The following CCNH variants were observed in gnomAD, a reference collection of about 807,000 sequenced individuals.
The protein encoded by CCNH is cyclin H.
In CCNH, 31 loss-of-function variants were observed where a neutral mutation model predicts 41.9. The ratio of observed to expected loss-of-function variants is 0.74; its 90% CI spans 0.56 to 1.00. The LOEUF (loss-of-function observed/expected upper bound fraction) is 1.00. Ranked by LOEUF, CCNH falls within the 50% of genes least tolerant of loss-of-function variation. The probability of loss-of-function intolerance (pLI) is 0.00; values close to 1 mark genes in which losing one functional copy is unlikely to be tolerated. For missense variants in CCNH, 362 were observed against 388.4 expected (o/e 0.93, Z 0.57); for synonymous variants, 138 against 136.1 (o/e 1.01, Z -0.10).
downstream of CCNH, among the ~76,000 whole-genome samples, chr5:87,317,968 C>T (rs1204694060): frequency 6.6e-6 from 1 of 152,080 alleles, no homozygotes; most frequent in Admixed American, 6.6e-5. Flanking sequence ...CATTTTTTCC[C>T]ATTTTTTTTA....
intron 9 of CCNH, chr5:87,369,912 G>A: frequency 6.3e-7 from 1 of 1,586,288 alleles, no homozygotes; most frequent in East Asian, 2.2e-5. Flanking sequence ...TAAGATTACT[G>A]TTTCTCAAAC....
intron 7 of CCNH, among the ~76,000 whole-genome samples, chr5:87,397,146 T>C (rs576882481): frequency 9.3e-4 from 142 of 152,078 alleles, no homozygotes; most frequent in Non-Finnish European, 1.6e-3. Context: ...AGTACAGGAA[T>C]TGTGTTTCAT....
chr5:87,375,259 C>T (rs1261377931), downstream of CCNH, among the ~76,000 whole-genome samples: 2 of 151,684 alleles, frequency 1.3e-5, no homozygotes, highest in African/African-American at 4.8e-5. Flanking sequence ...TAGGTTTTTC[C>T]TGCTTTTTTT....
chr5:87,324,729 G>T (rs887260570), intron 9 of CCNH, among the ~76,000 whole-genome samples: 1 of 151,802 alleles, frequency 6.6e-6, no homozygotes, highest in Non-Finnish European at 1.5e-5. Context: ...ATATAAACAC[G>T]CCCTCTTCTC....
intron 9 of CCNH, among the ~76,000 whole-genome samples, chr5:87,329,397 G>A (rs552529592): frequency 1.3e-5 from 2 of 152,082 alleles, no homozygotes; most frequent in East Asian, 1.9e-4. Flanking sequence ...AGCTGAGATC[G>A]TACCAGTGTA....
At chr5:87,322,316 A>G (rs1297768873) in intron 9 of CCNH, among the ~76,000 whole-genome samples, 1 of 152,178 alleles carries the variant, frequency 6.6e-6, no homozygotes, top group Non-Finnish European at 1.5e-5. Flanking sequence ...CAGCAGCATT[A>G]GATTTTCACA....
intron 9 of CCNH, among the ~76,000 whole-genome samples, chr5:87,357,375 G>A (rs899028409): frequency 7.2e-5 from 11 of 152,002 alleles, no homozygotes; most frequent in Admixed American, 1.3e-4. Context: ...TTCCATTGCT[G>A]TATCCTCAAT....
At chr5:87,333,370 T>C in intron 9 of CCNH, 2 of 1,609,350 alleles carry the variant, frequency 1.2e-6, no homozygotes, top group Non-Finnish European at 1.7e-6. Context: ...GTATAGGCAT[T>C]TGAAAGAGCT....
upstream of CCNH, chr5:87,378,287 C>A: frequency 7.7e-7 from 1 of 1,302,630 alleles, no homozygotes; most frequent in Non-Finnish European, 1.1e-6. Context: ...GCAAAAAGCA[C>A]ATTTAAGTGG....
the CCNH span, among the ~76,000 whole-genome samples, chr5:87,312,566 G>A: frequency 2.0e-5 from 3 of 152,078 alleles, no homozygotes; most frequent in Admixed American, 1.3e-4. Context: ...ACATCTGAAC[G>A]GGCCTAGAGA....
chr5:87,327,813 A>C (rs1379201878), intron 9 of CCNH, among the ~76,000 whole-genome samples: 1 of 151,974 alleles, frequency 6.6e-6, no homozygotes, highest in Non-Finnish European at 1.5e-5. Context: ...AAAAATACAA[A>C]AGTTAGCCGG....
At chr5:87,332,671 A>T in intron 9 of CCNH, 1 of 1,586,788 alleles carries the variant, frequency 6.3e-7, no homozygotes, top group Non-Finnish European at 8.6e-7. Context: ...ATATCTTTCA[A>T]AACTTTATTT....
At chr5:87,341,215 C>T (rs961657994) in intron 9 of CCNH, 16 of 884,528 alleles carry the variant, frequency 1.8e-5, no homozygotes, top group Admixed American at 4.2e-5. Flanking sequence ...TTTGCAGATA[C>T]GATTTTCATG....
At chr5:87,384,458 A>T (rs541555744) in intron 9 of CCNH, among the ~76,000 whole-genome samples, 4 of 152,262 alleles carry the variant, frequency 2.6e-5, no homozygotes, top group Admixed American at 2.0e-4. Context: ...GAAGCTCAAA[A>T]TTGTACTAAA....
intron 9 of CCNH, chr5:87,332,468 A>G (rs1407398978): frequency 6.4e-7 from 1 of 1,565,802 alleles, no homozygotes; most frequent in African/African-American, 1.4e-5. Flanking sequence ...AATTGGCTGT[A>G]AAGATTTTTT....
chr5:87,398,824 T>A (rs1212291830), intron 7 of CCNH, among the ~76,000 whole-genome samples: 4 of 151,808 alleles, frequency 2.6e-5, no homozygotes, highest in Admixed American at 1.3e-4. Flanking sequence ...ATACAAAAAA[T>A]TAGCTGGGCG....
At chr5:87,326,532 C>T (rs1357259660) in intron 9 of CCNH, among the ~76,000 whole-genome samples, 2 of 152,110 alleles carry the variant, frequency 1.3e-5, no homozygotes, top group East Asian at 3.9e-4. Flanking sequence ...TTCCTTTTCC[C>T]CATCTTCCTT....
At chr5:87,362,498 C>G (rs2112456005) in intron 9 of CCNH, 2 of 1,532,030 alleles carry the variant, frequency 1.3e-6, no homozygotes, top group African/African-American at 1.4e-5. Flanking sequence ...TAGATTTTTA[C>G]TTCATTTCCA....
intron 9 of CCNH, chr5:87,385,462 C>T: frequency 8.5e-7 from 1 of 1,182,908 alleles, no homozygotes; most frequent in South Asian, 1.3e-5. Context: ...TAAATTGTGG[C>T]TTAAGTAAAT....
Sources: allele counts gnomAD v4.1 joint callset (sites outside exome capture counted in the v4.1 genomes callset), GRCh38; gene constraint gnomAD v4.1.1; transcripts MANE v1.5; gene names NCBI Gene and HGNC (gene_info 2026-07-23, HGNC 2026-07-21).